Variants in ELAPOR2 observed in about 807,000 individuals in gnomAD.
ELAPOR2 encodes endosome/lysosome-associated apoptosis and autophagy regulator family member 2.
Under a neutral mutation model 120.7 loss-of-function variants are expected in ELAPOR2, and 89 were observed. That is an observed-to-expected ratio of 0.74 (90% CI 0.62 to 0.88). The LOEUF (loss-of-function observed/expected upper bound fraction) is 0.88. Ranked by LOEUF, ELAPOR2 falls within the 40% of genes least tolerant of loss-of-function variation. The pLI is 0.00. For missense variants in ELAPOR2, 1,134 were observed against 1,251.6 expected (o/e 0.91, Z 1.42); for synonymous variants, 444 against 444.9 (o/e 1.00, Z 0.03).
chr7:86,974,404 TA>T (rs1792203246), intron 1 of ELAPOR2, among the ~76,000 whole-genome samples: 1 of 152,298 alleles, frequency 6.6e-6, no homozygotes, highest in African/African-American at 2.4e-5. Flanking sequence ...GTGAAAACTT[TA>T]AAACAATTTA....
At chr7:86,947,679 T>C in intron 3 of ELAPOR2, 48 bp downstream of exon 3, 1 of 1,462,100 alleles carries the variant, frequency 6.8e-7, no homozygotes, top group Non-Finnish European at 9.3e-7. Flanking sequence ...GCAACTACTT[T>C]CTTCTCAAAT....
chr7:86,984,051 T>C (rs1386647488), intron 1 of ELAPOR2, among the ~76,000 whole-genome samples: 1 of 152,176 alleles, frequency 6.6e-6, no homozygotes, highest in Non-Finnish European at 1.5e-5. Flanking sequence ...TCCTGGTCTC[T>C]GATAAAACAG....
chr7:87,021,068 C>T (rs1794023873), intron 1 of ELAPOR2, among the ~76,000 whole-genome samples: 1 of 152,120 alleles, frequency 6.6e-6, no homozygotes, highest in Non-Finnish European at 1.5e-5. Flanking sequence ...ATTATCCCTA[C>T]TTTACAGATT....
At chr7:87,046,251 G>A (rs1021722650) in intron 1 of ELAPOR2, among the ~76,000 whole-genome samples, 2 of 152,046 alleles carry the variant, frequency 1.3e-5, no homozygotes, top group African/African-American at 2.4e-5. Flanking sequence ...CCAAAGAAGT[G>A]AAAAATCTCT....
chr7:86,967,113 T>C (rs751032361), intron 1 of ELAPOR2, among the ~76,000 whole-genome samples: 23 of 152,148 alleles, frequency 1.5e-4, no homozygotes, highest in Non-Finnish European at 3.1e-4. Context: ...TGGCCTGCCA[T>C]GTATTTGCAT....
chr7:87,017,749 C>T (rs997279875), intron 1 of ELAPOR2, among the ~76,000 whole-genome samples: 1 of 151,816 alleles, frequency 6.6e-6, no homozygotes, highest in African/African-American at 2.4e-5. Flanking sequence ...GGCAAGACTT[C>T]GTCTCTCCAA....
Position 86,909,962 on chromosome 7 carries a change from A to C in ELAPOR2, c.2209T>G (p.Phe737Val). 1 of 1,613,078 alleles carries C rather than the reference A, an allele frequency of 6.2e-7. No individual in the cohort carries two copies. Residue 737 changes from phenylalanine to valine, a missense_variant, in exon 16 of 22, where the codon TTT becomes GTT. Phe to Val is a conservative substitution (Grantham distance 50, BLOSUM62 -1). This residue lies in a region of ELAPOR2 where 831 missense variants were observed against 867.6 expected (regional missense o/e 0.96). Transcript: ENST00000450689. ...MALCTNNITDFTVKEIVAGSD... is the reference protein window; with the variant it reads ...MALCTNNITDVTVKEIVAGSD... ...CCTGCCACTATTTCTTTTACTGTAA[A>C]GTCTGTTATATTGTTGGTACAGAGA...
chr7:86,990,941 G>T (rs1032091451), intron 1 of ELAPOR2, among the ~76,000 whole-genome samples: 1 of 152,196 alleles, frequency 6.6e-6, no homozygotes, highest in African/African-American at 2.4e-5. Flanking sequence ...TTGGAAAGCA[G>T]GTCTGTCAAA....
intron 2 of ELAPOR2, among the ~76,000 whole-genome samples, chr7:86,956,299 A>C (rs1791471856): frequency 6.6e-6 from 1 of 152,216 alleles, no homozygotes; most frequent in Non-Finnish European, 1.5e-5. Flanking sequence ...CATTTTACAA[A>C]ACAAAAGTGA....
At position 86,939,996 on chromosome 7, in the gene ELAPOR2, A is replaced by C; in HGVS notation, c.847+14T>G. ...TGTGACTGGTGACTACTAAAACAGAATGCCATGAAATACCTTCAATTGTGA... is the reference window on the plus strand; with the variant it reads ...TGTGACTGGTGACTACTAAAACAGACTGCCATGAAATACCTTCAATTGTGA... On this transcript the variant is annotated intron_variant, in intron 6 of 21. Transcript: ENST00000450689. 2.0e-6 allele frequency: 3 copies of C among 1,535,382 alleles called. No individual in the cohort carries two copies. The South Asian group carries it at 3.4e-5, about 18-fold the overall frequency.
Position 86,907,789 on chromosome 7 carries a change from A to T in ELAPOR2, c.2457-18T>A. 1 of 1,457,176 alleles carries T rather than the reference A, an allele frequency of 6.9e-7. No individual in the cohort carries two copies. The highest frequency in any genetic ancestry group is 9.2e-7 in the Non-Finnish European group (1 of 1,084,968). 90.3% of individuals were successfully genotyped at this position (1,457,176 alleles called of 1,614,324 possible). On this transcript the variant is annotated intron_variant, in intron 17 of 21. Transcript: ENST00000450689. The stretch of plus-strand genomic sequence containing the variant: ...TAGAAGACCTATTGTAAGCCAAATA[A>T]CATTTTTAAAAAACAGATATAATAC...
Position 86,947,881 on chromosome 7 carries a change from G to A in ELAPOR2, c.352C>T (p.Gln118Ter). 6.4e-7 allele frequency: 1 copy of A among 1,552,036 alleles called. No homozygotes were observed. Among genetic ancestry groups the A allele is most frequent in the Non-Finnish European group, 8.7e-7 (1 of 1,147,062 alleles). The change falls in exon 3 of 22, where the codon CAG becomes TAG. Residue 118 changes from glutamine (Q) to a stop codon, truncating the protein, a stop_gained. Coordinates refer to ENST00000450689, the MANE Select transcript of ELAPOR2 (RefSeq NM_001142749.3). LOFTEE classifies it high-confidence loss of function. ...CCTTCACCACACTTACTGCATACCTGGTTCTTCATTTCTAGATACTCTCCA... is the reference window on the plus strand; with the variant it reads ...CCTTCACCACACTTACTGCATACCTAGTTCTTCATTTCTAGATACTCTCCA... ...ASGEYLEMKN[Q>*]VCSKCGEGTY...
chr7:87,040,694 A>C (rs1794754051), intron 1 of ELAPOR2, among the ~76,000 whole-genome samples: 1 of 152,250 alleles, frequency 6.6e-6, no homozygotes, highest in Admixed American at 6.5e-5. Flanking sequence ...GAAACTCTAA[A>C]AAGCAGAGCG....
Position 86,913,053 on chromosome 7 carries a change from T to G in ELAPOR2, c.1883A>C (p.Glu628Ala). 6.2e-7 allele frequency: 1 copy of G among 1,614,074 alleles called. No homozygotes were observed. Residue 628 changes from glutamate (E) to alanine (A), a missense_variant, in exon 14 of 22, where the codon GAG becomes GCG. Glu to Ala is a moderately radical substitution (Grantham distance 107). This residue lies in a region of ELAPOR2 where 831 missense variants were observed against 867.6 expected (regional missense o/e 0.96). Transcript: ENST00000450689. ...CVPCPPGHYI[E>A]KETNQCKECP... The stretch of plus-strand genomic sequence containing the variant: ...TTCCTTGCACTGGTTGGTTTCTTTC[T>G]CAATGTAGTGGCCTGGAGGGCAGGG...
At chr7:87,033,872 T>C (rs1794496210) in intron 1 of ELAPOR2, among the ~76,000 whole-genome samples, 1 of 152,222 alleles carries the variant, frequency 6.6e-6, no homozygotes, top group South Asian at 2.1e-4. Flanking sequence ...CAATAGCTTA[T>C]AAATTTTTAT....
intron 18 of ELAPOR2, among the ~76,000 whole-genome samples, chr7:86,900,181 AAATAG>A (rs1305861043): frequency 6.6e-6 from 1 of 152,116 alleles, no homozygotes; most frequent in Non-Finnish European, 1.5e-5. Context: ...TATCTTGGGA[AAATAG>A]AAGAGAAAGT....
rs376938495 is a variant in ELAPOR2 at position 86,880,476 on chromosome 7, T to C, written c.3085A>G (p.Ile1029Val). 4.5e-5 allele frequency: 73 copies of C among 1,608,050 alleles called. No individual in the cohort carries two copies. Among genetic ancestry groups the C allele is most frequent in the Middle Eastern group, 1.6e-4 (1 of 6,074 alleles). ...AAGGCTACAGCACTGTCTCTTCATA[T>C]ATTTGGGGATCTTGAGGTTTTCAGT... is the stretch of plus-strand genomic sequence containing the variant. ...VQLKTSRSPN[I>V] The change falls in exon 22 of 22, where the codon ATA becomes GTA. Residue 1029 changes from isoleucine (I) to valine (V), a missense_variant. Coordinates refer to ENST00000450689, the MANE Select transcript of ELAPOR2 (RefSeq NM_001142749.3).
chr7:87,001,800 C>A (rs1166506971), intron 1 of ELAPOR2, among the ~76,000 whole-genome samples: 3 of 152,104 alleles, frequency 2.0e-5, no homozygotes, highest in African/African-American at 2.4e-5. Flanking sequence ...AAATGTATAG[C>A]CAAGAAACCT....
At chr7:86,918,347 A>T in intron 12 of ELAPOR2, 95 bp downstream of exon 12, 1 of 455,350 alleles carries the variant, frequency 2.2e-6, no homozygotes, top group Non-Finnish European at 3.9e-6. Context: ...AAAAAAAAAA[A>T]GGAATTCTTA....
Sources: gnomAD v4.1 joint callset for allele counts (sites outside exome capture counted in the v4.1 genomes callset) on GRCh38, gnomAD v4.1.1 for gene constraint, gnomAD v4.1.1 regional missense constraint, MANE v1.5 for transcripts, NCBI Gene and HGNC (gene_info 2026-07-23, HGNC 2026-07-21) for gene names.